PPHLN1: variants seen among roughly 807,000 people sequenced by gnomAD.
PPHLN1 encodes the protein periphilin-1.
PPHLN1 carries 29 observed loss-of-function variants against 51.3 expected under a neutral mutation model. That is an observed-to-expected ratio of 0.57 (90% confidence interval 0.42 to 0.77). PPHLN1 has a LOEUF of 0.77. Among genes scored for constraint, PPHLN1 ranks in the 30% least tolerant of loss-of-function variants. The pLI is 0.00. For synonymous variants in PPHLN1, 147 were observed against 147.8 expected, an observed-to-expected ratio of 0.99 and a Z score of 0.04; for missense variants, 436 against 438.4, an observed-to-expected ratio of 0.99 and a Z score of 0.05.
At position 42,382,936 on chromosome 12, in the gene PPHLN1, A is replaced by G. The variant is rs750203416; in HGVS notation, c.512-2004A>G. Among the ~76,000 whole-genome samples, 4 of 152,320 alleles carry G rather than the reference A, an allele frequency of 2.6e-5. No homozygotes were observed. In the South Asian group the frequency reaches 6.2e-4, roughly 24 times the overall value. ...TTTTAAGTACAGTGGTGGTGTTTCT[A>G]TTATCTCTTGTTGTGTTACAAAAAA... On this transcript the variant is annotated intron_variant, in intron 5 of 9. Coordinates refer to ENST00000358314, the MANE Select transcript of PPHLN1 (RefSeq NM_201439.2).
intron 5 of PPHLN1, among the ~76,000 whole-genome samples, chr12:42,384,561 G>C (rs747443568): frequency 1.3e-5 from 2 of 152,174 alleles, no homozygotes; most frequent in African/African-American, 4.8e-5. Context: ...TCCAGTGTCA[G>C]CTTTATGGAT....
chr12:42,421,662 A>G (rs1417951218), intron 9 of PPHLN1, among the ~76,000 whole-genome samples: 2 of 152,176 alleles, frequency 1.3e-5, no homozygotes, highest in East Asian at 3.8e-4. Context: ...CAAATATCTT[A>G]AACAAAATTT....
chr12:42,337,650 G>A (rs986588138), intron 2 of PPHLN1, among the ~76,000 whole-genome samples: 2 of 151,982 alleles, frequency 1.3e-5, no homozygotes, highest in African/African-American at 4.8e-5. Context: ...GAGTGCAGTG[G>A]TGCGATCTTG....
intron 2 of PPHLN1, among the ~76,000 whole-genome samples, chr12:42,345,205 T>C (rs1380682870): frequency 2.0e-5 from 3 of 152,124 alleles, no homozygotes; most frequent in Non-Finnish European, 2.9e-5. Flanking sequence ...TCTGACCAGA[T>C]TCTCATTAAC....
At chr12:42,349,086 G>A (rs1327078940) in intron 2 of PPHLN1, among the ~76,000 whole-genome samples, 1 of 152,118 alleles carries the variant, frequency 6.6e-6, no homozygotes. Context: ...TAGCTATTGA[G>A]AGATTTGAAT....
At chr12:42,339,302 G>T (rs2071141389) in intron 2 of PPHLN1, among the ~76,000 whole-genome samples, 1 of 152,016 alleles carries the variant, frequency 6.6e-6, no homozygotes, top group South Asian at 2.1e-4. Flanking sequence ...CCCCCAATCA[G>T]CCTCTCCTAG....
chr12:42,343,492 CTA>C (rs984987693), intron 2 of PPHLN1, among the ~76,000 whole-genome samples: 2 of 152,156 alleles, frequency 1.3e-5, no homozygotes, highest in Admixed American at 6.5e-5. Context: ...ATTAATCCAT[CTA>C]TGTTTTTGAA....
chr12:42,332,909 C>T (rs35012772), intron 1 of PPHLN1, among the ~76,000 whole-genome samples: 10,036 of 152,098 alleles, frequency 0.066, 477 homozygotes, highest in Non-Finnish European at 0.1. Flanking sequence ...ATCATCACTT[C>T]ACATGTTATG....
intron 6 of PPHLN1, among the ~76,000 whole-genome samples, chr12:42,385,434 T>C (rs2077114344): frequency 6.6e-6 from 1 of 152,228 alleles, no homozygotes; most frequent in Non-Finnish European, 1.5e-5. Context: ...GTTCCTTTGC[T>C]TTTGCACATG....
intron 2 of PPHLN1, among the ~76,000 whole-genome samples, chr12:42,339,872 T>C (rs76079566): frequency 1.5e-5 from 2 of 137,742 alleles, no homozygotes; most frequent in Admixed American, 1.5e-4. Flanking sequence ...ACATCTGCTG[T>C]TGTTATTATC....
At chr12:42,360,135 A>G (rs73122408) in intron 4 of PPHLN1, among the ~76,000 whole-genome samples, 41,600 of 149,228 alleles carry the variant, frequency 0.28, 7,298 homozygotes, top group Non-Finnish European at 0.38. Flanking sequence ...AAAAATTGCA[A>G]GAATAACTGA....
chr12:42,382,491 C>T (rs1018238636), intron 5 of PPHLN1, among the ~76,000 whole-genome samples: 1 of 152,010 alleles, frequency 6.6e-6, no homozygotes, highest in Non-Finnish European at 1.5e-5. Flanking sequence ...TTACCTTGCT[C>T]TCAAGCAGGG....
intron 8 of PPHLN1, among the ~76,000 whole-genome samples, chr12:42,397,958 G>A (rs2078418194): frequency 2.7e-5 from 4 of 149,554 alleles, no homozygotes; most frequent in Admixed American, 1.3e-4. Flanking sequence ...TCTTGACCTC[G>A]TGATCCGCCT....
chr12:42,331,579 A>G (rs2069740812), intron 1 of PPHLN1, among the ~76,000 whole-genome samples: 3 of 152,244 alleles, frequency 2.0e-5, no homozygotes, highest in Non-Finnish European at 2.9e-5. Flanking sequence ...TAAATATCCC[A>G]TGATGGTATA....
chr12:42,326,851 C>A (rs937311106), intron 1 of PPHLN1, among the ~76,000 whole-genome samples: 2 of 152,180 alleles, frequency 1.3e-5, no homozygotes, highest in Non-Finnish European at 1.5e-5. Context: ...CCAGCACATA[C>A]AGACCAGGCC....
intron 9 of PPHLN1, among the ~76,000 whole-genome samples, chr12:42,410,951 G>A (rs1402800687): frequency 6.6e-6 from 1 of 152,054 alleles, no homozygotes; most frequent in Non-Finnish European, 1.5e-5. Context: ...ATGTATCTAG[G>A]TATGGATTGT....
intron 6 of PPHLN1, among the ~76,000 whole-genome samples, chr12:42,385,499 T>G (rs892559124): frequency 6.6e-6 from 1 of 152,130 alleles, no homozygotes; most frequent in African/African-American, 2.4e-5. Flanking sequence ...TCAGGAAAGG[T>G]CCAAGACTAT....
chr12:42,420,661 T>TCCCCCCCCCCCCCCCCCCCCCCCC (rs1565996290), intron 9 of PPHLN1, among the ~76,000 whole-genome samples: 2 of 61,142 alleles, frequency 3.3e-5, no homozygotes, highest in African/African-American at 1.4e-4. Flanking sequence ...CTTCCCTCCT[T>TCCCCCCCCCCCCCCCCCCCCCCCC]CCCTCCCGCC....
At chr12:42,366,303 C>T (rs367898726) in intron 4 of PPHLN1, among the ~76,000 whole-genome samples, 4 of 147,420 alleles carry the variant, frequency 2.7e-5, no homozygotes, top group African/African-American at 7.6e-5. Context: ...TCTCGGCTCA[C>T]GGCAGCTTTC....
Sources: gnomAD v4.1 joint callset for allele counts (sites outside exome capture counted in the v4.1 genomes callset) on GRCh38, gnomAD v4.1.1 for gene constraint, MANE v1.5 for transcripts, NCBI Gene and HGNC (gene_info 2026-07-23, HGNC 2026-07-21) for gene names.